Variants in NFYC observed in about 807,000 individuals in gnomAD.
NFYC encodes the protein CAAT box DNA-binding protein subunit C.
A neutral mutation model predicts 53.1 loss-of-function variants in NFYC; 25 were observed. The ratio of observed to expected loss-of-function variants is 0.47; its 90% CI spans 0.34 to 0.66. The LOEUF (loss-of-function observed/expected upper bound fraction) is 0.66. Among genes scored for constraint, NFYC ranks in the 30% least tolerant of loss-of-function variants. The pLI is 0.01. For missense variants in NFYC, 260 were observed against 422.7 expected, an observed-to-expected ratio of 0.62 and a Z score of 3.38; for synonymous variants, 145 against 152.6, an observed-to-expected ratio of 0.95 and a Z score of 0.37.
chr1:40,710,862 G>T (rs1042464631), intron 1 of NFYC, among the ~76,000 whole-genome samples: 4 of 152,182 alleles, frequency 2.6e-5, no homozygotes, highest in African/African-American at 4.8e-5. Context: ...AACTGCTGGG[G>T]AGTTGAAAGA....
At chr1:40,692,673 G>C (rs1642894803) in intron 1 of NFYC, among the ~76,000 whole-genome samples, 1 of 152,148 alleles carries the variant, frequency 6.6e-6, no homozygotes, top group Admixed American at 6.5e-5. Context: ...TGAGGTTTTG[G>C]TGGAGCCCTG....
intron 1 of NFYC, among the ~76,000 whole-genome samples, chr1:40,715,558 T>C (rs1413533575): frequency 2.6e-5 from 4 of 152,174 alleles, no homozygotes; most frequent in Non-Finnish European, 5.9e-5. Flanking sequence ...TTCTTTTTAA[T>C]GTGTTCTGCT....
At chr1:40,737,746 C>G (rs1379034315) in intron 1 of NFYC, among the ~76,000 whole-genome samples, 1 of 152,156 alleles carries the variant, frequency 6.6e-6, no homozygotes, top group Non-Finnish European at 1.5e-5. Flanking sequence ...CAAGTAGTTT[C>G]ATTTCAGGGG....
chr1:40,708,446 C>G (rs1358908027), intron 1 of NFYC, among the ~76,000 whole-genome samples: 2 of 152,140 alleles, frequency 1.3e-5, no homozygotes, highest in Non-Finnish European at 2.9e-5. Context: ...TATCCTGGAA[C>G]CAGTCTCCCA....
At chr1:40,711,759 A>C (rs1458847421) in intron 1 of NFYC, among the ~76,000 whole-genome samples, 1 of 152,230 alleles carries the variant, frequency 6.6e-6, no homozygotes, top group African/African-American at 2.4e-5. Flanking sequence ...CCTTCTAGAG[A>C]GCTAACTCTA....
chr1:40,749,451 T>C (rs545557343), intron 3 of NFYC, 122 bp from the exon 4 acceptor site: 1 of 721,422 alleles, frequency 1.4e-6, no homozygotes, highest in African/African-American at 1.8e-5. Flanking sequence ...TGGAATCTCT[T>C]GAGTATACCA....
intron 7 of NFYC, 152 bp downstream of exon 7, chr1:40,763,198 A>G (rs771006374): frequency 4.7e-6 from 3 of 639,632 alleles, no homozygotes; most frequent in Admixed American, 3.0e-5. Flanking sequence ...ATCTATAGCT[A>G]TATATATACC....
At position 40,721,630 on chromosome 1, in the gene NFYC, G is replaced by A. The variant is rs79740867; in HGVS notation, c.-8-17206G>A. 546 of 152,308 alleles carry A rather than the reference G, an allele frequency of 3.6e-3. 6 individuals are homozygous for A. The highest frequency in any genetic ancestry group is 4.9e-3 in the Non-Finnish European group (332 of 68,148). 9.4% of individuals were successfully genotyped at this position (152,308 alleles called of 1,614,324 possible). Reference sequence around the variant, plus strand: ...GGCTGAAGTGCAGTAGTGCAATCATGGCTCATTGCAGTCTCCCAGCTCCTC... The same window carrying A: ...GGCTGAAGTGCAGTAGTGCAATCATAGCTCATTGCAGTCTCCCAGCTCCTC... On this transcript the variant is annotated intron_variant, in intron 1 of 9. Coordinates refer to ENST00000447388, the MANE Select transcript of NFYC (RefSeq NM_014223.5).
chr1:40,698,329 T>TC (rs1643258090), intron 1 of NFYC, among the ~76,000 whole-genome samples: 1 of 148,892 alleles, frequency 6.7e-6, no homozygotes, highest in African/African-American at 2.5e-5. Context: ...GCCCCTGCAC[T>TC]CCAGCCTGGG....
chr1:40,712,433 G>T (rs1643959859), intron 1 of NFYC: 1 of 152,084 alleles, frequency 6.6e-6, no homozygotes, highest in Non-Finnish European at 1.5e-5. Flanking sequence ...CTGGAAGCCT[G>T]TTCCATTTGC....
chr1:40,767,571 A>G (rs1285621579), intron 8 of NFYC, among the ~76,000 whole-genome samples: 3 of 152,032 alleles, frequency 2.0e-5, no homozygotes, highest in Non-Finnish European at 4.4e-5. Context: ...ACTGACTCAC[A>G]CCCTTCCCCC....
intron 1 of NFYC, among the ~76,000 whole-genome samples, chr1:40,711,061 C>T (rs1557755445): frequency 6.6e-6 from 1 of 152,150 alleles, no homozygotes; most frequent in Non-Finnish European, 1.5e-5. Flanking sequence ...ACTTCCCTCC[C>T]CCCAGCAAAA....
intron 1 of NFYC, among the ~76,000 whole-genome samples, chr1:40,717,015 G>C (rs1644161737): frequency 6.6e-6 from 1 of 152,110 alleles, no homozygotes; most frequent in Non-Finnish European, 1.5e-5. Context: ...TTCAGTTCTG[G>C]GTAGCTTTCT....
chr1:40,719,694 T>C (rs922744063), intron 1 of NFYC, among the ~76,000 whole-genome samples: 1 of 152,360 alleles, frequency 6.6e-6, no homozygotes. Flanking sequence ...TAAAAAGGCC[T>C]GGTGGATTTG....
chr1:40,743,816 C>T (rs2148642460), intron 2 of NFYC, among the ~76,000 whole-genome samples: 1 of 152,306 alleles, frequency 6.6e-6, no homozygotes, highest in East Asian at 1.9e-4. Context: ...AATATTGATG[C>T]TGATTTAGTA....
At chr1:40,726,370 A>G (rs1473379168) in intron 1 of NFYC, among the ~76,000 whole-genome samples, 3 of 151,258 alleles carry the variant, frequency 2.0e-5, no homozygotes, top group Admixed American at 6.6e-5. Flanking sequence ...CACCCACCTC[A>G]GTCTCCCAAA....
At chr1:40,756,367 T>C (rs1646221243) in intron 5 of NFYC, among the ~76,000 whole-genome samples, 1 of 152,232 alleles carries the variant, frequency 6.6e-6, no homozygotes, top group East Asian at 1.9e-4. Context: ...CATAATCATA[T>C]TGAGGGTTAA....
chr1:40,736,860 C>T (rs982269187), intron 1 of NFYC, among the ~76,000 whole-genome samples: 5 of 140,740 alleles, frequency 3.6e-5, no homozygotes, highest in Non-Finnish European at 4.6e-5. Context: ...GGCGCGGTGG[C>T]TCACGCCTGT....
intron 3 of NFYC, among the ~76,000 whole-genome samples, chr1:40,748,165 T>G (rs953428653): frequency 6.6e-6 from 1 of 152,014 alleles, no homozygotes; most frequent in African/African-American, 2.4e-5. Context: ...AGGGTCTCAC[T>G]CTGTCACCCA....
Sources: gnomAD v4.1 joint callset for allele counts (sites outside exome capture counted in the v4.1 genomes callset) on GRCh38, gnomAD v4.1.1 for gene constraint, MANE v1.5 for transcripts, NCBI Gene and HGNC (gene_info 2026-07-23, HGNC 2026-07-21) for gene names.